CDC42BPA: variants seen among roughly 807,000 people sequenced by gnomAD.
CDC42BPA encodes the protein CDC42 binding protein kinase alpha, also known as serine/threonine-protein kinase MRCK alpha.
Under a neutral mutation model 223.5 loss-of-function variants are expected in CDC42BPA, and 80 were observed. That is an observed-to-expected ratio of 0.36 (90% CI 0.30 to 0.43). The LOEUF (loss-of-function observed/expected upper bound fraction) is 0.43. Among genes scored for constraint, CDC42BPA ranks in the 20% least tolerant of loss-of-function variants. The pLI, the probability that CDC42BPA is intolerant of heterozygous loss-of-function variation, is 1.00. For missense variants in CDC42BPA, 1,743 were observed against 2,099.9 expected, an observed-to-expected ratio of 0.83 and a Z score of 3.32; for synonymous variants, 694 against 718.6, an observed-to-expected ratio of 0.97 and a Z score of 0.55.
At chr1:227,211,402 T>C (rs945517632) in intron 3 of CDC42BPA, among the ~76,000 whole-genome samples, 2 of 152,114 alleles carry the variant, frequency 1.3e-5, no homozygotes, top group African/African-American at 4.8e-5. Context: ...CTACTAGGTA[T>C]CTACCCAAAG....
At chr1:227,044,330 A>G (rs1671966387) in intron 23 of CDC42BPA, among the ~76,000 whole-genome samples, 1 of 152,196 alleles carries the variant, frequency 6.6e-6, no homozygotes, top group Admixed American at 6.5e-5. Context: ...AAGCATTTTT[A>G]ATTTTGATAT....
chr1:227,296,709 C>CAA (rs755335862), intron 1 of CDC42BPA, among the ~76,000 whole-genome samples: 10,114 of 69,602 alleles, frequency 0.15, 611 homozygotes, highest in Non-Finnish European at 0.21. Context: ...CTCCCCACAT[C>CAA]AAAAAAAAAA....
chr1:227,127,862 A>G (rs866977070), intron 11 of CDC42BPA, among the ~76,000 whole-genome samples: 2 of 152,192 alleles, frequency 1.3e-5, no homozygotes, highest in Admixed American at 1.3e-4. Context: ...AAGATGCTAC[A>G]TTAGATTATT....
At chr1:227,246,415 AG>A (rs1680967041) in intron 2 of CDC42BPA, among the ~76,000 whole-genome samples, 1 of 152,150 alleles carries the variant, frequency 6.6e-6, no homozygotes, top group Non-Finnish European at 1.5e-5. Flanking sequence ...GCCTTGGGCA[AG>A]GCCCAGTGCT....
chr1:227,086,001 C>T (rs1044526204), intron 16 of CDC42BPA, among the ~76,000 whole-genome samples: 2 of 152,188 alleles, frequency 1.3e-5, no homozygotes, highest in Non-Finnish European at 2.9e-5. Context: ...TTGGTCCGCA[C>T]TCTGATTTCT....
At chr1:227,294,814 C>T (rs527336297) in intron 1 of CDC42BPA, among the ~76,000 whole-genome samples, 2 of 63,928 alleles carry the variant, frequency 3.1e-5, no homozygotes, top group Non-Finnish European at 6.1e-5. Flanking sequence ...GAGCCGAGAT[C>T]GCGCCACTGC....
At chr1:227,069,516 T>C in intron 21 of CDC42BPA, 1 of 274,406 alleles carries the variant, frequency 3.6e-6, no homozygotes, top group East Asian at 6.5e-5. Context: ...TTAATGTTTC[T>C]TAAGGGAGAT....
In CDC42BPA at chr1:227,074,874, AAG is replaced by A. The variant is rs540403222; in HGVS notation, c.2481-512_2481-511del. On this transcript the variant is annotated intron_variant, in intron 17 of 36. Coordinates refer to ENST00000366766, the MANE Select transcript of CDC42BPA (RefSeq NM_001394014.1). ...TTCTGAAATGATCAATAAAATAACA[AAG>A]AGGGAAGATTAAAGTCTACCAAAAC... Among the ~76,000 whole-genome samples the A allele has an allele frequency of 6.0e-3, 910 of 152,342 alleles. 10 individuals carry two copies. Among genetic ancestry groups the A allele is most frequent in the African/African-American group, 0.021 (857 of 41,584 alleles).
At chr1:227,293,365 G>A (rs1456302461) in intron 1 of CDC42BPA, among the ~76,000 whole-genome samples, 1 of 151,990 alleles carries the variant, frequency 6.6e-6, no homozygotes, top group Non-Finnish European at 1.5e-5. Context: ...ACCACAAAAA[G>A]AGAATTAAAC....
chr1:227,149,267 C>T (rs1461812333), intron 6 of CDC42BPA, among the ~76,000 whole-genome samples: 2 of 152,154 alleles, frequency 1.3e-5, no homozygotes, highest in Non-Finnish European at 2.9e-5. Context: ...CAAATGCACA[C>T]CGCTTCTGTG....
At chr1:227,297,967 T>TATATATATATATACACACACACACACAC (rs369403944) in intron 1 of CDC42BPA, among the ~76,000 whole-genome samples, 54 of 132,060 alleles carry the variant, frequency 4.1e-4, no homozygotes, top group African/African-American at 9.9e-4. Flanking sequence ...TATATACATA[T>TATATATATATATACACACACACACACAC]ACACACACAC....
At chr1:227,134,541 T>C (rs1018057069) in intron 10 of CDC42BPA, among the ~76,000 whole-genome samples, 2 of 152,226 alleles carry the variant, frequency 1.3e-5, no homozygotes, top group African/African-American at 4.8e-5. Flanking sequence ...TTGTATGTGA[T>C]TTATTGTCTG....
chr1:227,084,347 G>C (rs546842754), intron 16 of CDC42BPA, among the ~76,000 whole-genome samples: 1 of 152,036 alleles, frequency 6.6e-6, no homozygotes, highest in Non-Finnish European at 1.5e-5. Context: ...GGCCAACATG[G>C]TAAAACCCCA....
chr1:227,012,373 C>T (rs554486277), intron 34 of CDC42BPA, among the ~76,000 whole-genome samples: 165 of 152,216 alleles, frequency 1.1e-3, no homozygotes, highest in African/African-American at 3.1e-3. Context: ...ATAAGCCACA[C>T]ACACCATCTT....
intron 21 of CDC42BPA, among the ~76,000 whole-genome samples, chr1:227,067,570 C>T (rs554445015): frequency 2.6e-5 from 4 of 152,016 alleles, no homozygotes; most frequent in African/African-American, 4.8e-5. Context: ...CCACTGTACA[C>T]GAGGAGAGTT....
intron 5 of CDC42BPA, among the ~76,000 whole-genome samples, chr1:227,172,064 A>G (rs1666199723): frequency 6.6e-6 from 1 of 152,196 alleles, no homozygotes; most frequent in Non-Finnish European, 1.5e-5. Context: ...AAAACAGCAT[A>G]CTGCATTATA....
At chr1:227,209,860 T>C (rs1172334691) in intron 3 of CDC42BPA, among the ~76,000 whole-genome samples, 2 of 151,212 alleles carry the variant, frequency 1.3e-5, no homozygotes, top group Non-Finnish European at 1.5e-5. Context: ...ATCAGAATGA[T>C]GCTGGCCTCA....
intron 15 of CDC42BPA, among the ~76,000 whole-genome samples, chr1:227,094,266 C>G (rs1683588324): frequency 6.6e-6 from 1 of 152,138 alleles, no homozygotes; most frequent in African/African-American, 2.4e-5. Flanking sequence ...TGAGAGCAGT[C>G]ACATCTCACT....
At chr1:227,062,068 C>T (rs1676027383) in intron 21 of CDC42BPA, among the ~76,000 whole-genome samples, 1 of 152,182 alleles carries the variant, frequency 6.6e-6, no homozygotes, top group South Asian at 2.1e-4. Context: ...ACTGATTAAA[C>T]CTAAGCTCTG....
Sources: gnomAD v4.1 joint callset for allele counts (sites outside exome capture counted in the v4.1 genomes callset) on GRCh38, gnomAD v4.1.1 for gene constraint, MANE v1.5 for transcripts, NCBI Gene and HGNC (gene_info 2026-07-23, HGNC 2026-07-21) for gene names.